Variants in BABAM2 observed in about 807,000 individuals in gnomAD.
The protein encoded by BABAM2 is BRISC and BRCA1 A complex member 2.
Under a neutral mutation model 54.7 loss-of-function variants are expected in BABAM2, and 31 were observed. The ratio of observed to expected loss-of-function variants is 0.57; its 90% CI spans 0.43 to 0.77. The LOEUF (loss-of-function observed/expected upper bound fraction) is 0.77, where lower values mean the gene tolerates loss of function less well. Ranked by LOEUF, BABAM2 falls within the 30% of genes least tolerant of loss-of-function variation. BABAM2 has a pLI of 0.00. For synonymous variants in BABAM2, 167 were observed against 162.9 expected (o/e 1.03, Z -0.19); for missense variants, 364 against 455.8 (o/e 0.80, Z 1.83).
chr2:28,127,278 AAG>A (rs1403079645), intron 6 of BABAM2, among the ~76,000 whole-genome samples: 1 of 152,240 alleles, frequency 6.6e-6, no homozygotes, highest in African/African-American at 2.4e-5. Context: ...CCATCAAGAA[AAG>A]AGAGTTTCGA....
intron 6 of BABAM2, among the ~76,000 whole-genome samples, chr2:28,060,365 T>G (rs1678759228): frequency 6.6e-6 from 1 of 152,174 alleles, no homozygotes; most frequent in Non-Finnish European, 1.5e-5. Context: ...CTGATAGAAG[T>G]ACATCTATGA....
intron 6 of BABAM2, among the ~76,000 whole-genome samples, chr2:28,121,502 A>G (rs1430938978): frequency 6.6e-6 from 1 of 152,224 alleles, no homozygotes; most frequent in South Asian, 2.1e-4. Flanking sequence ...TTATGCCAGT[A>G]GAACCCAAAT....
chr2:28,199,483 G>C (rs978668920), intron 7 of BABAM2, among the ~76,000 whole-genome samples: 4 of 152,104 alleles, frequency 2.6e-5, no homozygotes, highest in Non-Finnish European at 4.4e-5. Flanking sequence ...TCCTAGAATT[G>C]TGCTTGGCAA....
chr2:28,084,144 C>G (rs1243546663), intron 6 of BABAM2, among the ~76,000 whole-genome samples: 3 of 152,102 alleles, frequency 2.0e-5, no homozygotes, highest in Non-Finnish European at 4.4e-5. Flanking sequence ...GATAGAGACA[C>G]AGCGGCAACC....
intron 3 of BABAM2, among the ~76,000 whole-genome samples, chr2:27,985,505 T>A (rs1317786609): frequency 6.6e-6 from 1 of 152,232 alleles, no homozygotes; most frequent in Admixed American, 6.5e-5. Context: ...CATATGTTTG[T>A]TGCTATGCCT....
intron 6 of BABAM2, among the ~76,000 whole-genome samples, chr2:28,113,870 G>T (rs1425393938): frequency 2.0e-5 from 3 of 152,114 alleles, no homozygotes; most frequent in Admixed American, 6.5e-5. Flanking sequence ...CACATCCCTT[G>T]TAAGTTGTAT....
intron 10 of BABAM2, among the ~76,000 whole-genome samples, chr2:28,246,356 A>T (rs1219468950): frequency 1.3e-5 from 2 of 152,160 alleles, no homozygotes; most frequent in Non-Finnish European, 2.9e-5. Flanking sequence ...TGCTGTATTC[A>T]CTTTACCTTA....
intron 6 of BABAM2, among the ~76,000 whole-genome samples, chr2:28,119,175 CT>C (rs1668851932): frequency 6.6e-6 from 1 of 152,138 alleles, no homozygotes; most frequent in African/African-American, 2.4e-5. Context: ...CAGCTTTGTT[CT>C]TTTTGCTTAG....
chr2:27,934,023 G>A lies in BABAM2; in HGVS notation c.205+4115G>A, dbSNP rs1668310508. 4.6e-5 allele frequency among the ~76,000 whole-genome samples: 7 copies of A among 151,770 alleles called. No homozygotes were observed. The South Asian group carries it at 1.5e-3, about 32-fold the overall frequency. The stretch of plus-strand genomic sequence containing the variant: ...ACATATAACCTATGCCCATCTTCCT[G>A]TGTACAGGCAAACCTCATTTTATTG... On this transcript the variant is annotated intron_variant, in intron 3 of 11. Coordinates refer to ENST00000379624, the MANE Select transcript of BABAM2 (RefSeq NM_199191.3).
intron 6 of BABAM2, among the ~76,000 whole-genome samples, chr2:28,051,824 GTTT>G (rs751010973): frequency 1.6e-4 from 25 of 151,564 alleles, no homozygotes; most frequent in Non-Finnish European, 3.4e-4. Flanking sequence ...AATTTTTTGT[GTTT>G]TTAATAGAGA....
chr2:28,047,188 T>C (rs1677647075), intron 6 of BABAM2, among the ~76,000 whole-genome samples: 1 of 152,222 alleles, frequency 6.6e-6, no homozygotes, highest in South Asian at 2.1e-4. Flanking sequence ...AAATCATCAA[T>C]TTCTATCAGT....
At chr2:27,941,257 CA>C (rs975709706) in intron 3 of BABAM2, among the ~76,000 whole-genome samples, 152 of 152,270 alleles carry the variant, frequency 1.0e-3, no homozygotes, top group African/African-American at 3.5e-3. Context: ...AAAATGTAGA[CA>C]TTTTTTTGTC....
At chr2:28,281,033 T>C (rs1472093737) in intron 10 of BABAM2, among the ~76,000 whole-genome samples, 1 of 152,242 alleles carries the variant, frequency 6.6e-6, no homozygotes, top group Non-Finnish European at 1.5e-5. Flanking sequence ...TTCTCTTTTA[T>C]TTCCAATCTG....
chr2:27,921,379 CATTT>C lies in BABAM2; in HGVS notation c.129-8450_129-8447del, dbSNP rs368920440. 8.1e-3 allele frequency among the ~76,000 whole-genome samples: 1,229 copies of C among 152,180 alleles called. 12 individuals carry two copies. The highest frequency in any genetic ancestry group is 0.029 in the African/African-American group (1,188 of 41,494). On this transcript the variant is annotated intron_variant, in intron 2 of 11. Coordinates refer to ENST00000379624, the MANE Select transcript of BABAM2 (RefSeq NM_199191.3). ...TTAATAAAATATCATTTGTTGAAAA[CATTT>C]ATAGTTCACCAATTATGAGATTTAT... is the stretch of plus-strand genomic sequence containing the variant.
chr2:28,201,102 G>A (rs138762602), intron 7 of BABAM2, among the ~76,000 whole-genome samples: 10 of 152,248 alleles, frequency 6.6e-5, no homozygotes, highest in African/African-American at 2.2e-4. Context: ...AGAGCAAGGG[G>A]AGGAAATTTT....
intron 4 of BABAM2, chr2:28,016,065 A>C: frequency 2.7e-6 from 2 of 753,666 alleles, no homozygotes; most frequent in South Asian, 2.9e-5. Flanking sequence ...ACCTTTCAGA[A>C]GATTTATGTG....
chr2:28,288,962 G>GTTGT (rs1687052277), intron 10 of BABAM2, among the ~76,000 whole-genome samples: 1 of 132,568 alleles, frequency 7.5e-6, no homozygotes, highest in Non-Finnish European at 1.6e-5. Flanking sequence ...GTGGGTTGTT[G>GTTGT]TTTTTTTTTT....
At chr2:28,230,172 A>G (rs1294623364) in intron 7 of BABAM2, among the ~76,000 whole-genome samples, 1 of 152,210 alleles carries the variant, frequency 6.6e-6, no homozygotes, top group African/African-American at 2.4e-5. Flanking sequence ...TGATGCTTCC[A>G]TGAGCCTCTG....
chr2:28,189,786 TA>T (rs1246304957), intron 7 of BABAM2, among the ~76,000 whole-genome samples: 1 of 151,968 alleles, frequency 6.6e-6, no homozygotes, highest in Non-Finnish European at 1.5e-5. Context: ...AAGCCGATTC[TA>T]AAATGTATAT....
Sources: allele counts gnomAD v4.1 joint callset (sites outside exome capture counted in the v4.1 genomes callset), GRCh38; gene constraint gnomAD v4.1.1; transcripts MANE v1.5; gene names NCBI Gene and HGNC (gene_info 2026-07-23, HGNC 2026-07-21).